The following PAN3 variants were observed in gnomAD, a reference collection of about 807,000 sequenced individuals.
PAN3 encodes the protein PAN2-PAN3 deadenylation complex subunit PAN3.
A neutral mutation model predicts 96.2 loss-of-function variants in PAN3; 19 were observed. That is an observed-to-expected ratio of 0.20 (90% confidence interval 0.14 to 0.29). The LOEUF is 0.29. Among genes scored for constraint, PAN3 ranks in the 10% least tolerant of loss-of-function variants. PAN3 has a pLI of 1.00. For missense variants in PAN3, 882 were observed against 1,108.1 expected, an observed-to-expected ratio of 0.80 and a Z score of 2.90; for synonymous variants, 433 against 406.6, an observed-to-expected ratio of 1.06 and a Z score of -0.78.
chr13:28,201,500 T>C, intron 5 of PAN3, among the ~76,000 whole-genome samples: 1 of 152,026 alleles, frequency 6.6e-6, no homozygotes, highest in East Asian at 1.9e-4. Flanking sequence ...GAGCAGAGAT[T>C]GTGTCGCTGC....
intron 5 of PAN3, among the ~76,000 whole-genome samples, 179 bp from the exon 6 acceptor site, chr13:28,220,052 C>T (rs1881233658): frequency 6.6e-6 from 1 of 152,128 alleles, no homozygotes; most frequent in Non-Finnish European, 1.5e-5. Flanking sequence ...ATTTGATGAT[C>T]AGATTTCCTT....
intron 4 of PAN3, among the ~76,000 whole-genome samples, chr13:28,193,736 T>TA (rs35597675): frequency 0.86 from 93,082 of 108,098 alleles, 40,651 homozygotes; most frequent in Non-Finnish European, 0.93. Flanking sequence ...GACCCTGACT[T>TA]AAAAAAAAAA....
chr13:28,180,988 A>C (rs1050141242), intron 4 of PAN3, among the ~76,000 whole-genome samples: 1 of 152,202 alleles, frequency 6.6e-6, no homozygotes, highest in African/African-American at 2.4e-5. Flanking sequence ...AATTCTCTAG[A>C]TCCTGAAGAA....
intron 1 of PAN3, among the ~76,000 whole-genome samples, chr13:28,156,161 C>T (rs1292590648): frequency 6.6e-6 from 1 of 151,444 alleles, no homozygotes; most frequent in Non-Finnish European, 1.5e-5. Context: ...GATTGCTAGA[C>T]TGCTAACTAG....
Position 28,212,750 on chromosome 13 carries a change from T to C in PAN3, c.853-7481T>C, listed in dbSNP as rs543002797. Among the ~76,000 whole-genome samples the C allele has an allele frequency of 7.9e-4, 120 of 152,306 alleles. 1 individual carries two copies. Among genetic ancestry groups the C allele is most frequent in the Non-Finnish European group, 5.3e-4 (36 of 68,032 alleles). On this transcript the variant is annotated intron_variant, in intron 5 of 18. Coordinates refer to ENST00000380958, the MANE Select transcript of PAN3 (RefSeq NM_175854.8). The stretch of plus-strand genomic sequence containing the variant: ...TGGCAATAGACATTGAAGAACAGTT[T>C]AGTGAACTTGAAGGCATAGCAATAG...
intron 12 of PAN3, among the ~76,000 whole-genome samples, chr13:28,269,860 A>G (rs576945924): frequency 6.6e-6 from 1 of 152,318 alleles, no homozygotes; most frequent in Admixed American, 6.5e-5. Flanking sequence ...GCTATTTATT[A>G]TAAGTACATA....
chr13:28,232,372 C>T (rs1882663015), intron 6 of PAN3: 1 of 152,018 alleles, frequency 6.6e-6, no homozygotes, highest in Admixed American at 6.5e-5. Flanking sequence ...TGTTCTATCA[C>T]ATCCTAAAAA....
At chr13:28,257,687 T>TATAAATATAATATATATTATATATA (rs1885260338) in intron 7 of PAN3, among the ~76,000 whole-genome samples, 2 of 134,596 alleles carry the variant, frequency 1.5e-5, no homozygotes, top group Non-Finnish European at 3.1e-5. Flanking sequence ...TATTAAATTA[T>TATAAATATAATATATATTATATATA]ATAAATATAT....
chr13:28,140,209 C>T (rs989597332), intron 1 of PAN3, among the ~76,000 whole-genome samples: 5 of 152,146 alleles, frequency 3.3e-5, no homozygotes, highest in South Asian at 2.1e-4. Context: ...CTCAGCCTCT[C>T]AGTGTGTTGT....
chr13:28,152,261 C>T (rs1285650094), intron 1 of PAN3, among the ~76,000 whole-genome samples: 1 of 152,152 alleles, frequency 6.6e-6, no homozygotes, highest in African/African-American at 2.4e-5. Context: ...CAAATCCTCT[C>T]TCTATCCCCT....
intron 5 of PAN3, among the ~76,000 whole-genome samples, chr13:28,197,825 C>T (rs1008481699): frequency 6.6e-6 from 1 of 152,108 alleles, no homozygotes; most frequent in Non-Finnish European, 1.5e-5. Flanking sequence ...GCCTTGGCCT[C>T]ACAAAATGCT....
chr13:28,272,286 C>T lies in PAN3; in HGVS notation c.2049+215C>T, dbSNP rs575666493. 2.0e-4 allele frequency: 73 copies of T among 361,828 alleles called. 1 individual carries two copies. The South Asian group carries it at 3.1e-3, about 15-fold the overall frequency. 22.4% of individuals were successfully genotyped at this position (361,828 alleles called of 1,614,324 possible). A position where few individuals can be genotyped will look rare whatever the true frequency, so the allele number is the denominator to read the frequency against. On this transcript the variant is annotated intron_variant, in intron 14 of 18. Coordinates refer to ENST00000380958, the MANE Select transcript of PAN3 (RefSeq NM_175854.8). ...CTTTCTCTCTCTTTTCCTTTCTATT[C>T]TTTTGCTTCTGTCTTGCTCTGTCAC...
At chr13:28,220,411 G>A (rs766175616) in intron 6 of PAN3, 33 bp downstream of exon 6, 3 of 1,604,376 alleles carry the variant, frequency 1.9e-6, no homozygotes, top group South Asian at 1.1e-5. Flanking sequence ...GTGAGTTCCA[G>A]ATACCATGTC....
chr13:28,175,935 A>G (rs1788350448), intron 2 of PAN3, among the ~76,000 whole-genome samples: 1 of 152,214 alleles, frequency 6.6e-6, no homozygotes, highest in Admixed American at 6.5e-5. Context: ...ATAATTTTTA[A>G]GGCATTGAGT....
chr13:28,215,933 C>A, intron 5 of PAN3: 1 of 1,122,690 alleles, frequency 8.9e-7, no homozygotes, highest in East Asian at 2.3e-5. Flanking sequence ...TAGTCTTAAT[C>A]AGTGGTGGAA....
intron 7 of PAN3, among the ~76,000 whole-genome samples, chr13:28,259,481 A>AT (rs1441955379): frequency 6.6e-6 from 1 of 151,134 alleles, no homozygotes; most frequent in East Asian, 1.9e-4. Flanking sequence ...AATTTTTTGT[A>AT]TTTTTAGTAG....
chr13:28,140,619 C>A (rs1006036853), intron 1 of PAN3, among the ~76,000 whole-genome samples: 3 of 152,148 alleles, frequency 2.0e-5, no homozygotes, highest in African/African-American at 7.2e-5. Flanking sequence ...TGGGCTCAAG[C>A]GATCTTCCTG....
chr13:28,229,952 G>T (rs1270220840), intron 6 of PAN3, among the ~76,000 whole-genome samples: 3 of 152,048 alleles, frequency 2.0e-5, no homozygotes, highest in Non-Finnish European at 4.4e-5. Flanking sequence ...GCTCGATTTA[G>T]AACTTTTGTC....
chr13:28,211,061 T>A (rs920119829), intron 5 of PAN3, among the ~76,000 whole-genome samples: 2 of 151,952 alleles, frequency 1.3e-5, no homozygotes, highest in East Asian at 1.9e-4. Flanking sequence ...CTGGCTAATT[T>A]AAAAAAATTT....
Sources: gnomAD v4.1 joint callset for allele counts (sites outside exome capture counted in the v4.1 genomes callset) on GRCh38, gnomAD v4.1.1 for gene constraint, MANE v1.5 for transcripts, NCBI Gene and HGNC (gene_info 2026-07-23, HGNC 2026-07-21) for gene names.